MYC: variants seen among roughly 807,000 people sequenced by gnomAD.
MYC encodes the protein myc proto-oncogene protein.
MYC carries 1 observed loss-of-function variant against 30.5 expected under a neutral mutation model. The observed-to-expected ratio is 0.03, with a 90% CI of 0.01 to 0.16. The LOEUF is 0.16. Ranked by LOEUF, MYC falls within the 10% of genes least tolerant of loss-of-function variation. MYC has a pLI of 1.00. For missense variants in MYC, 508 were observed against 589.0 expected (o/e 0.86, Z 1.42); for synonymous variants, 267 against 250.7 (o/e 1.07, Z -0.62).
Position 127,741,837 on chromosome 8 carries a change from T to TGGGG in MYC, c.*880_*883dup, listed in dbSNP as rs1200087225. Among the ~76,000 whole-genome samples, 32 of 152,160 alleles carry TGGGG rather than the reference T, an allele frequency of 2.1e-4. No homozygotes were observed. The highest frequency in any genetic ancestry group is 7.7e-4 in the African/African-American group (32 of 41,430). On this transcript the variant is annotated 3_prime_UTR_variant, in exon 3 of 3. Transcript: ENST00000621592. The stretch of plus-strand genomic sequence containing the variant: ...AAACCCAGGAATTCTGCCCAGTTGA[T>TGGGG]GGGGACACGGTGGGAACCAGCTTCT...
At position 127,741,319 on chromosome 8, in the gene MYC, C is replaced by G. The variant is rs1053336677; in HGVS notation, c.*361C>G. 4 of 241,390 alleles carry G rather than the reference C, an allele frequency of 1.7e-5. No homozygotes were observed. Among genetic ancestry groups the G allele is most frequent in the Non-Finnish European group, 3.2e-5 (4 of 124,322 alleles). 15.0% of individuals were successfully genotyped at this position (241,390 alleles called of 1,614,324 possible). A position where few individuals can be genotyped will look rare whatever the true frequency, so the allele number is the denominator to read the frequency against. ...TATATAGTACCTAGTATTATAGGTA[C>G]TATAAACCCTAATTTTTTTTATTTA... On this transcript the variant is annotated 3_prime_UTR_variant, in exon 3 of 3. Coordinates refer to ENST00000621592, the MANE Select transcript of MYC (RefSeq NM_002467.6).
chr8:127,738,202 C>A lies in MYC; in HGVS notation c.31-46C>A, dbSNP rs368747661. On this transcript the variant is annotated intron_variant, in intron 1 of 2. Transcript: ENST00000621592. This position sits in a 1 kb window ranked among gnomAD's most constrained non-coding sequence, Gnocchi z 7.6. The stretch of plus-strand genomic sequence containing the variant: ...GCTGCGCCAGGTTTCCGCACCAAGA[C>A]CCCTTTAACTCAAGACTGCCTCCCG... The A allele has an allele frequency of 1.3e-6, 2 of 1,528,210 alleles. No homozygotes were observed. The allele number at this position is 1,528,210 out of a possible 1,614,324, so 94.7% of individuals were successfully genotyped here. A position where few individuals can be genotyped will look rare whatever the true frequency, so the allele number is the denominator to read the frequency against.
upstream of MYC, chr8:127,736,204 T>C (rs4645947): frequency 3.8e-5 from 19 of 499,272 alleles, no homozygotes; most frequent in East Asian, 5.9e-4. Context: ...GCGCTGAGTA[T>C]AAAAGCCGGT....
At chr8:127,739,121 G>T in intron 2 of MYC, 102 bp downstream of exon 2, 1 of 1,268,678 alleles carries the variant, frequency 7.9e-7, no homozygotes, top group East Asian at 2.6e-5. Flanking sequence ...AGGAAGGAGA[G>T]ATAGCAGATC....
In MYC at chr8:127,738,252, C is replaced by G. The variant is rs139294902; in HGVS notation, c.35C>G (p.Pro12Arg). The change falls in exon 2 of 3, where the codon CCT becomes CGT. Residue 12 changes from proline (P) to arginine (R), a missense_variant. Physicochemically the swap from Pro to Arg is moderately radical, Grantham distance 103 (BLOSUM62 -2). Coordinates refer to ENST00000621592, the MANE Select transcript of MYC (RefSeq NM_002467.6). This position sits in a 1 kb window ranked among gnomAD's most constrained non-coding sequence, Gnocchi z 7.6. ...GCTTTGTGTGCCCCGCTCCAGCAGC[C>G]TCCCGCGACGATGCCCCTCAACGTT... 1.6e-5 allele frequency: 25 copies of G among 1,582,320 alleles called. No individual in the cohort carries two copies. In the African/African-American group the frequency reaches 3.2e-4, roughly 20 times the overall value.
chr8:127,741,179 G>T lies in MYC; in HGVS notation c.*221G>T. ...TTTTCTTTAACAGATTTGTATTTAA[G>T]AATTGTTTTTAAAAAATTTTAAGAT... On this transcript the variant is annotated 3_prime_UTR_variant, in exon 3 of 3. Transcript: ENST00000621592. 5.0e-6 allele frequency: 2 copies of T among 401,342 alleles called. No individual in the cohort carries two copies. Among genetic ancestry groups the T allele is most frequent in the South Asian group, 9.3e-5 (1 of 10,772 alleles). The allele number at this position is 401,342 out of a possible 1,614,324, so 24.9% of individuals were successfully genotyped here. A position where few individuals can be genotyped will look rare whatever the true frequency, so the allele number is the denominator to read the frequency against.
At chr8:127,739,706 T>A (rs1813675914) in intron 2 of MYC, among the ~76,000 whole-genome samples, 1 of 152,060 alleles carries the variant, frequency 6.6e-6, no homozygotes, top group Non-Finnish European at 1.5e-5. Context: ...GTTGCTAAAG[T>A]CATACCAAGC....
rs771168413 is a variant in MYC at position 127,740,773 on chromosome 8, G to T, written c.1180G>T (p.Asp394Tyr). 6.2e-7 allele frequency: 1 copy of T among 1,614,044 alleles called. No individual in the cohort carries two copies. Among genetic ancestry groups the T allele is most frequent in the Non-Finnish European group, 8.5e-7 (1 of 1,180,018 alleles). Residue 394 changes from aspartate to tyrosine, a missense_variant, in exon 3 of 3, where the codon GAC (aspartate) becomes TAC (tyrosine). Physicochemically the swap from Asp to Tyr is radical, Grantham distance 160. Coordinates refer to ENST00000621592, the MANE Select transcript of MYC (RefSeq NM_002467.6). The stretch of plus-strand genomic sequence containing the variant: ...AAAACGGAGCTTTTTTGCCCTGCGT[G>T]ACCAGATCCCGGAGTTGGAAAACAA...
In MYC at chr8:127,741,300, G is replaced by A; in HGVS notation, c.*342G>A. 2 of 254,300 alleles carry A rather than the reference G, an allele frequency of 7.9e-6. No individual in the cohort carries two copies. The highest frequency in any genetic ancestry group is 1.5e-5 in the Non-Finnish European group (2 of 132,242). 15.8% of individuals were successfully genotyped at this position (254,300 alleles called of 1,614,324 possible). ...CACAGAATTTCAATCCTAGTATATA[G>A]TACCTAGTATTATAGGTACTATAAA... On this transcript the variant is annotated 3_prime_UTR_variant, in exon 3 of 3. Transcript: ENST00000621592.
chr8:127,739,132 T>C, intron 2 of MYC, 113 bp downstream of exon 2: 1 of 1,200,700 alleles, frequency 8.3e-7, no homozygotes, highest in Non-Finnish European at 1.1e-6. Flanking sequence ...ATAGCAGATC[T>C]GGAGAGATTT....
rs2130102543 is a variant in MYC, at chr8:127,740,468, C to T, written c.875C>T (p.Ser292Leu). The T allele has an allele frequency of 6.2e-7, 1 of 1,614,090 alleles. No homozygotes were observed. The change falls in exon 3 of 3, where the codon TCA becomes TTA. Residue 292 changes from serine (S) to leucine (L), a missense_variant. Ser to Leu is a moderately radical substitution (Grantham distance 145). Around this residue, in one of 5 missense-constraint regions of MYC, gnomAD observed 364 missense variants for 381.1 expected, o/e 0.96. Coordinates refer to ENST00000621592, the MANE Select transcript of MYC (RefSeq NM_002467.6). ...AAGAGGCAGGCTCCTGGCAAAAGGT[C>T]AGAGTCTGGATCACCTTCTGCTGGA...
rs146505192 is a variant in MYC at position 127,738,281 on chromosome 8, T to C, written c.64T>C (p.Phe22Leu). Reference sequence around the variant, plus strand: ...CGCGACGATGCCCCTCAACGTTAGCTTCACCAACAGGAACTATGACCTCGA... The same window carrying C: ...CGCGACGATGCCCCTCAACGTTAGCCTCACCAACAGGAACTATGACCTCGA... Residue 22 changes from phenylalanine to leucine, a missense_variant, in exon 2 of 3, where the codon TTC (phenylalanine) becomes CTC (leucine). Physicochemically the swap from Phe to Leu is conservative, Grantham distance 22. Around this residue, in one of 5 missense-constraint regions of MYC, gnomAD observed 70 missense variants for 84.5 expected, o/e 0.83. Coordinates refer to ENST00000621592, the MANE Select transcript of MYC (RefSeq NM_002467.6). This position sits in a 1 kb window ranked among gnomAD's most constrained non-coding sequence, Gnocchi z 7.6. 3,140 of 1,604,432 alleles carry C rather than the reference T, an allele frequency of 2.0e-3. 25 individuals are homozygous for C. Among genetic ancestry groups the C allele is most frequent in the Middle Eastern group, 7.5e-3 (45 of 6,030 alleles).
At chr8:127,736,177 G>A (rs2130082315), upstream of MYC, 2 of 462,766 alleles carry the variant, frequency 4.3e-6, no homozygotes, top group Middle Eastern at 5.5e-4. Flanking sequence ...GCGGGAAAAA[G>A]AACGGAGGGA....
rs879888615 is a variant in MYC, at chr8:127,736,324, G to C, written c.-270G>C. ...GGGCGAGCAGAGCTGCGCTGCGGGC[G>C]TCCTGGGAAGGGAGATCCGGAGCGA... On this transcript the variant is annotated 5_prime_UTR_variant, in exon 1 of 3. Coordinates refer to ENST00000621592, the MANE Select transcript of MYC (RefSeq NM_002467.6). The C allele has an allele frequency of 1.7e-6, 1 of 587,172 alleles. No homozygotes were observed. The highest frequency in any genetic ancestry group is 3.0e-6 in the Non-Finnish European group (1 of 331,422). The allele number at this position is 587,172 out of a possible 1,614,324, so 36.4% of individuals were successfully genotyped here.
Position 127,742,788 on chromosome 8 carries a change from A to G in MYC, c.*1830A>G, listed in dbSNP as rs1813733471. Among the ~76,000 whole-genome samples, 1 of 152,186 alleles carries G rather than the reference A, an allele frequency of 6.6e-6. No individual in the cohort carries two copies. The highest frequency in any genetic ancestry group is 2.1e-4 in the South Asian group (1 of 4,832). ...ATTAATTATAAGCCTCTGAAAACCT[A>G]TGGCCCAAACCAGAAATGATGTTGA... On this transcript the variant is annotated 3_prime_UTR_variant, in exon 3 of 3. Transcript: ENST00000621592.
At position 127,738,546 on chromosome 8, in the gene MYC, C is replaced by A. The variant is rs1807479039; in HGVS notation, c.329C>A (p.Thr110Lys). 1 of 1,612,766 alleles carries A rather than the reference C, an allele frequency of 6.2e-7. No homozygotes were observed. The highest frequency in any genetic ancestry group is 8.5e-7 in the Non-Finnish European group (1 of 1,179,152). The change falls in exon 2 of 3, where the codon ACG (threonine) becomes AAG (lysine). Residue 110 changes from threonine to lysine, a missense_variant. Around this residue, in one of 5 missense-constraint regions of MYC, gnomAD observed 364 missense variants for 381.1 expected, o/e 0.96. Coordinates refer to ENST00000621592, the MANE Select transcript of MYC (RefSeq NM_002467.6). This position sits in a 1 kb window ranked among gnomAD's most constrained non-coding sequence, Gnocchi z 7.6. ...GACGGCGGTGGCGGGAGCTTCTCCA[C>A]GGCCGACCAGCTGGAGATGGTGACC...
Position 127,736,419 on chromosome 8 carries a change from A to T in MYC, c.-175A>T, listed in dbSNP as rs2130083277. 1.5e-6 allele frequency: 1 copy of T among 668,966 alleles called. No homozygotes were observed. The highest frequency in any genetic ancestry group is 2.7e-5 in the East Asian group (1 of 37,002). 41.4% of individuals were successfully genotyped at this position (668,966 alleles called of 1,614,324 possible). ...GCCAGCGGTCCGCAACCCTTGCCGC[A>T]TCCACGAAACTTTGCCCATAGCAGC... is the stretch of plus-strand genomic sequence containing the variant. On this transcript the variant is annotated 5_prime_UTR_variant, in exon 1 of 3. Transcript: ENST00000621592.
At position 127,738,505 on chromosome 8, in the gene MYC, C is replaced by A. The variant is rs2130094058; in HGVS notation, c.288C>A (p.Ser96=). The A allele has an allele frequency of 1.2e-6, 2 of 1,610,120 alleles. No homozygotes were observed. Among genetic ancestry groups the A allele is most frequent in the African/African-American group, 1.3e-5 (1 of 75,024 alleles). Reference sequence around the variant, plus strand: ...CCTACGTTGCGGTCACACCCTTCTCCCTTCGGGGAGACAACGACGGCGGTG... The same window carrying A: ...CCTACGTTGCGGTCACACCCTTCTCACTTCGGGGAGACAACGACGGCGGTG... The change falls in exon 2 of 3, where the codon TCC becomes TCA. Residue 96 remains serine (S), a synonymous_variant. Transcript: ENST00000621592. The surrounding 1 kb of genome is among the most constrained non-coding windows in gnomAD (Gnocchi z 7.6).
chr8:127,736,666 C>T (rs1198143053), intron 1 of MYC, 43 bp downstream of exon 1: 1 of 1,600,434 alleles, frequency 6.2e-7, no homozygotes, highest in Non-Finnish European at 8.6e-7. Context: ...ATTTTTTTAT[C>T]ACTTTAATGC....
Sources: allele counts gnomAD v4.1 joint callset (sites outside exome capture counted in the v4.1 genomes callset), GRCh38; gene constraint gnomAD v4.1.1; regional missense constraint gnomAD v4.1.1; non-coding constraint Gnocchi (gnomAD v3.1); transcripts MANE v1.5; gene names NCBI Gene and HGNC (gene_info 2026-07-23, HGNC 2026-07-21).